The following EBF1 variants were observed in gnomAD, a reference collection of about 807,000 sequenced individuals.
EBF1 encodes EBF transcription factor 1.
EBF1 carries 10 observed loss-of-function variants against 68.4 expected under a neutral mutation model. The ratio of observed to expected loss-of-function variants is 0.15; its 90% CI spans 0.09 to 0.25. The LOEUF is 0.25. Among genes scored for constraint, EBF1 ranks in the 10% least tolerant of loss-of-function variants. The pLI is 1.00. For missense variants in EBF1, 509 were observed against 794.4 expected, an observed-to-expected ratio of 0.64 and a Z score of 4.32; for synonymous variants, 298 against 299.8, an observed-to-expected ratio of 0.99 and a Z score of 0.06.
intron 6 of EBF1, among the ~76,000 whole-genome samples, chr5:159,029,612 T>C (rs1768360845): frequency 6.6e-6 from 1 of 152,202 alleles, no homozygotes; most frequent in South Asian, 2.1e-4. Context: ...GAAGTTCTAA[T>C]AATTTTTTAA....
chr5:158,743,818 T>C (rs1766961038), intron 10 of EBF1, among the ~76,000 whole-genome samples: 1 of 152,114 alleles, frequency 6.6e-6, no homozygotes, highest in Admixed American at 6.5e-5. Flanking sequence ...TCAGACATGC[T>C]GGAATTTAGG....
At chr5:158,758,976 G>C (rs1770778461) in intron 10 of EBF1, among the ~76,000 whole-genome samples, 1 of 152,068 alleles carries the variant, frequency 6.6e-6, no homozygotes, top group Non-Finnish European at 1.5e-5. Context: ...TGCACTGTTT[G>C]GCAACTACAT....
In EBF1 at chr5:158,697,692, T is replaced by C. The variant is rs1438578364; in HGVS notation, c.*1419A>G. The C allele has an allele frequency of 4.9e-6, 1 of 205,884 alleles. No homozygotes were observed. Among genetic ancestry groups the C allele is most frequent in the African/African-American group, 2.3e-5 (1 of 43,814 alleles). 12.8% of individuals were successfully genotyped at this position (205,884 alleles called of 1,614,324 possible). A position where few individuals can be genotyped will look rare whatever the true frequency, so the allele number is the denominator to read the frequency against. Reference sequence around the variant, plus strand: ...AATACGCAGTAAAATCTTTTTGTGATATTGAAAAAATGTCTTAAGACATTA... The same window carrying C: ...AATACGCAGTAAAATCTTTTTGTGACATTGAAAAAATGTCTTAAGACATTA... On this transcript the variant is annotated 3_prime_UTR_variant, in exon 16 of 16. Coordinates refer to ENST00000313708, the MANE Select transcript of EBF1 (RefSeq NM_024007.5).
chr5:159,071,188 T>C (rs1777729946), intron 6 of EBF1, among the ~76,000 whole-genome samples: 1 of 152,128 alleles, frequency 6.6e-6, no homozygotes, highest in African/African-American at 2.4e-5. Flanking sequence ...GTTTTGCATA[T>C]CAACTGGCAT....
intron 4 of EBF1, among the ~76,000 whole-genome samples, chr5:159,086,757 A>G (rs563079754): frequency 6.6e-6 from 1 of 150,468 alleles, no homozygotes; most frequent in Non-Finnish European, 1.5e-5. Context: ...TTATTACTTT[A>G]CCCTATGCAA....
chr5:159,062,789 T>G (rs1776102148), intron 6 of EBF1, among the ~76,000 whole-genome samples: 1 of 152,220 alleles, frequency 6.6e-6, no homozygotes, highest in African/African-American at 2.4e-5. Context: ...TCATGTGTAA[T>G]ACACATAGTT....
At chr5:158,972,559 TG>T (rs1755853246) in intron 6 of EBF1, among the ~76,000 whole-genome samples, 1 of 152,220 alleles carries the variant, frequency 6.6e-6, no homozygotes, top group African/African-American at 2.4e-5. Context: ...TCAGATGACC[TG>T]GAATACCCAA....
rs368397756 is a variant in EBF1 at position 159,057,941 on chromosome 5, T to A, written c.554+15455A>T. Among the ~76,000 whole-genome samples, 22 of 152,360 alleles carry A rather than the reference T, an allele frequency of 1.4e-4. No individual in the cohort carries two copies. The East Asian group carries it at 3.1e-3, about 21-fold the overall frequency. On this transcript the variant is annotated intron_variant, in intron 6 of 15. Transcript: ENST00000313708. Reference sequence around the variant, plus strand: ...AAAACTAAAAAGAGCTGAACCCATGTGAGATCTTTATGTCATTCCCTCGAA... The same window carrying A: ...AAAACTAAAAAGAGCTGAACCCATGAGAGATCTTTATGTCATTCCCTCGAA...
chr5:158,863,546 A>C lies in EBF1; in HGVS notation c.555-23436T>G, dbSNP rs1332742182. Among the ~76,000 whole-genome samples the C allele has an allele frequency of 2.0e-5, 3 of 152,212 alleles. No individual in the cohort carries two copies. In the East Asian group the frequency reaches 5.8e-4, roughly 29 times the overall value. On this transcript the variant is annotated intron_variant, in intron 6 of 15. Coordinates refer to ENST00000313708, the MANE Select transcript of EBF1 (RefSeq NM_024007.5). ...AAAATGCTACCTACGATTAAGAAAT[A>C]ATTGAGAATCCAAAATAAAGTAACA...
rs28635785 is a variant in EBF1, at chr5:158,903,243, C to T, written c.555-63133G>A. ...CATTCATTTATAAATAAGAAGATTACTCACTGCCTACATGCATAAACAGCT... is the reference window on the plus strand; with the variant it reads ...CATTCATTTATAAATAAGAAGATTATTCACTGCCTACATGCATAAACAGCT... On this transcript the variant is annotated intron_variant, in intron 6 of 15. Transcript: ENST00000313708. 2.8e-3 allele frequency among the ~76,000 whole-genome samples: 419 copies of T among 152,354 alleles called. 1 individual carries two copies. The highest frequency in any genetic ancestry group is 9.8e-3 in the African/African-American group (407 of 41,584).
intron 8 of EBF1, among the ~76,000 whole-genome samples, chr5:158,799,093 CAGAG>C (rs999810676): frequency 2.0e-5 from 3 of 152,032 alleles, no homozygotes; most frequent in African/African-American, 7.2e-5. Flanking sequence ...TGAGCTATCC[CAGAG>C]AGAGAGGATG....
intron 6 of EBF1, among the ~76,000 whole-genome samples, chr5:158,970,087 A>C (rs144777342): frequency 6.6e-6 from 1 of 152,244 alleles, no homozygotes; most frequent in African/African-American, 2.4e-5. Flanking sequence ...CCTAACACTG[A>C]GACTTTTTTT....
intron 10 of EBF1, among the ~76,000 whole-genome samples, chr5:158,750,311 C>A (rs1260612650): frequency 6.6e-6 from 1 of 152,094 alleles, no homozygotes; most frequent in African/African-American, 2.4e-5. Flanking sequence ...GTCCGACATC[C>A]ATTAGACAGG....
At position 158,925,081 on chromosome 5, in the gene EBF1, A is replaced by G. The variant is rs77985441; in HGVS notation, c.555-84971T>C. Among the ~76,000 whole-genome samples the G allele has an allele frequency of 4.2e-3, 634 of 152,238 alleles. 34 individuals are homozygous for G. In the East Asian group the frequency reaches 0.11, roughly 26 times the overall value. On this transcript the variant is annotated intron_variant, in intron 6 of 15. Transcript: ENST00000313708. ...CACCCCAATCTCAGGGCCTTTGCAC[A>G]TGCTGTTCCCACTGCCTGAAATAGT...
intron 6 of EBF1, among the ~76,000 whole-genome samples, chr5:158,884,497 C>A (rs1172011328): frequency 1.3e-5 from 2 of 152,068 alleles, no homozygotes; most frequent in African/African-American, 4.8e-5. Flanking sequence ...ATGCTCACTG[C>A]TGAAGACATA....
rs539493620 is a variant in EBF1 at position 158,872,996 on chromosome 5, A to ATTTTTTTTTTTT, written c.555-32898_555-32887dup. Among the ~76,000 whole-genome samples, 10 of 81,122 alleles carry ATTTTTTTTTTTT rather than the reference A, an allele frequency of 1.2e-4. 1 individual carries two copies. The highest frequency in any genetic ancestry group is 2.5e-4 in the African/African-American group (5 of 20,134). 53.2% of individuals were successfully genotyped at this position (81,122 alleles called of 152,430 possible). ...GGCTCTTCAGTCAAGAATGACACTA[A>ATTTTTTTTTTTT]TTTTTTTTTTTTTTTTTTTTTTTTT... is the stretch of plus-strand genomic sequence containing the variant. On this transcript the variant is annotated intron_variant, in intron 6 of 15. Coordinates refer to ENST00000313708, the MANE Select transcript of EBF1 (RefSeq NM_024007.5).
At chr5:158,726,791 G>A (rs144499581) in intron 11 of EBF1, among the ~76,000 whole-genome samples, 26 of 152,276 alleles carry the variant, frequency 1.7e-4, no homozygotes, top group Admixed American at 1.2e-3. Context: ...ACATAGTGAC[G>A]GCAGTGAGGC....
chr5:158,738,503 T>C (rs1019668067), intron 10 of EBF1, among the ~76,000 whole-genome samples: 85 of 152,234 alleles, frequency 5.6e-4, no homozygotes, highest in African/African-American at 1.8e-3. Flanking sequence ...CTGAAGATTG[T>C]AGGTGTTAAC....
At position 159,073,475 on chromosome 5, in the gene EBF1, A is replaced by C; in HGVS notation, c.486-11T>G. On this transcript the variant is annotated splice_polypyrimidine_tract_variant and intron_variant, in intron 5 of 15. Coordinates refer to ENST00000313708, the MANE Select transcript of EBF1 (RefSeq NM_024007.5). ...TTGTCACAACAGCGGCTATGGAGCA[A>C]AAGCGAAAGGATTTAGTACAACCAT... 6.2e-7 allele frequency: 1 copy of C among 1,614,048 alleles called. No homozygotes were observed. The highest frequency in any genetic ancestry group is 8.5e-7 in the Non-Finnish European group (1 of 1,179,944).
Sources: allele counts gnomAD v4.1 joint callset (sites outside exome capture counted in the v4.1 genomes callset), GRCh38; gene constraint gnomAD v4.1.1; transcripts MANE v1.5; gene names NCBI Gene and HGNC (gene_info 2026-07-23, HGNC 2026-07-21).